Variants in PPP2R1A observed in about 807,000 individuals in gnomAD.
PPP2R1A encodes protein phosphatase 2 scaffold subunit Aalpha.
In PPP2R1A, 15 loss-of-function variants were observed where a neutral mutation model predicts 67.1. That is an observed-to-expected ratio of 0.22 (90% CI 0.15 to 0.34). PPP2R1A has a LOEUF of 0.34. Ranked by LOEUF, PPP2R1A falls within the 10% of genes least tolerant of loss-of-function variation. The pLI, the probability that PPP2R1A is intolerant of heterozygous loss-of-function variation, is 1.00. For missense variants in PPP2R1A, 369 were observed against 775.0 expected (o/e 0.48, Z 6.22); for synonymous variants, 337 against 325.0 (o/e 1.04, Z -0.40).
chr19:52,215,164 T>C (rs1030773721), intron 6 of PPP2R1A, among the ~76,000 whole-genome samples: 1 of 152,178 alleles, frequency 6.6e-6, no homozygotes, highest in African/African-American at 2.4e-5. Flanking sequence ...CAGGTGATCC[T>C]CCCACTTCAG....
Position 52,216,710 on chromosome 19 carries a change from G to A in PPP2R1A, c.1128+47G>A, listed in dbSNP as rs773352879. 11 of 1,613,172 alleles carry A rather than the reference G, an allele frequency of 6.8e-6. No homozygotes were observed. The highest frequency in any genetic ancestry group is 1.6e-4 in the Middle Eastern group (1 of 6,080). On this transcript the variant is annotated intron_variant, in intron 9 of 14. Coordinates refer to ENST00000322088, the MANE Select transcript of PPP2R1A (RefSeq NM_014225.6). This position sits in a 1 kb window ranked among gnomAD's most constrained non-coding sequence, Gnocchi z 4.3. ...CTCTGGGTTTGTGGAGGGGACAGGCGGGTCTTCCTAGATTGCTAGGGTTTA... is the reference window on the plus strand; with the variant it reads ...CTCTGGGTTTGTGGAGGGGACAGGCAGGTCTTCCTAGATTGCTAGGGTTTA...
At chr19:52,194,664 C>G (rs2089482561) in intron 1 of PPP2R1A, among the ~76,000 whole-genome samples, 1 of 152,030 alleles carries the variant, frequency 6.6e-6, no homozygotes, top group African/African-American at 2.4e-5. Context: ...TTGAGGGTGA[C>G]TGAAGTTTGA....
intron 1 of PPP2R1A, among the ~76,000 whole-genome samples, chr19:52,191,756 T>G (rs187683432): frequency 1.3e-5 from 2 of 152,194 alleles, no homozygotes; most frequent in Non-Finnish European, 2.9e-5. Context: ...GTATGAGATA[T>G]GATGCTGGGG....
chr19:52,226,336 T>C lies in PPP2R1A; in HGVS notation c.*355T>C. The C allele has an allele frequency of 2.5e-6, 1 of 395,974 alleles. No individual in the cohort carries two copies. The highest frequency in any genetic ancestry group is 4.5e-6 in the Non-Finnish European group (1 of 220,122). 24.5% of individuals were successfully genotyped at this position (395,974 alleles called of 1,614,324 possible). On this transcript the variant is annotated 3_prime_UTR_variant, in exon 15 of 15. Transcript: ENST00000322088. ...CCTCCCGTCCTCCCCATCATTGGTT[T>C]TTTTTTGTGTGTCAACTGTGCCGTT...
At position 52,222,215 on chromosome 19, in the gene PPP2R1A, G is replaced by A. The variant is rs1423679899; in HGVS notation, c.1635G>A (p.Gln545=). The change falls in exon 13 of 15, where the codon CAG becomes CAA. Residue 545 remains glutamine (Q), a synonymous_variant. Transcript: ENST00000322088. ...NVRFNVAKSL[Q]KIGPILDNST... ...GCTTCAATGTGGCCAAGTCTCTGCA[G>A]AAGATAGGGCCCATCCTGGACAACA... 1.2e-6 allele frequency: 2 copies of A among 1,614,166 alleles called. No homozygotes were observed. Among genetic ancestry groups the A allele is most frequent in the East Asian group, 4.5e-5 (2 of 44,886 alleles).
chr19:52,191,746 G>A (rs1431319265), intron 1 of PPP2R1A, among the ~76,000 whole-genome samples: 1 of 152,204 alleles, frequency 6.6e-6, no homozygotes, highest in Non-Finnish European at 1.5e-5. Context: ...TATATGCCAT[G>A]TATGAGATAT....
chr19:52,198,931 A>G (rs547381227), intron 1 of PPP2R1A, among the ~76,000 whole-genome samples: 8 of 152,202 alleles, frequency 5.3e-5, no homozygotes, highest in Non-Finnish European at 1.2e-4. Context: ...AGCAAACAAT[A>G]AATGTTTGTT....
At position 52,227,145 on chromosome 19, in the gene PPP2R1A, G is replaced by A. The variant is rs184098419; in HGVS notation, c.*1164G>A. 6.6e-6 allele frequency: 1 copy of A among 152,320 alleles called. No individual in the cohort carries two copies. The highest frequency in any genetic ancestry group is 2.4e-5 in the African/African-American group (1 of 41,564). The allele number at this position is 152,320 out of a possible 1,614,324, so 9.4% of individuals were successfully genotyped here. On this transcript the variant is annotated 3_prime_UTR_variant, in exon 15 of 15. Coordinates refer to ENST00000322088, the MANE Select transcript of PPP2R1A (RefSeq NM_014225.6). The stretch of plus-strand genomic sequence containing the variant: ...TTTTCCTAGTGTCTCTTGAAATTAG[G>A]TGTGGTATTGTGACCAAATTCTAGC...
chr19:52,203,492 CTT>C (rs1166400507), intron 2 of PPP2R1A, among the ~76,000 whole-genome samples: 1 of 152,208 alleles, frequency 6.6e-6, no homozygotes, highest in Non-Finnish European at 1.5e-5. Context: ...CTCCACCTCT[CTT>C]AGCCTCATTT....
In PPP2R1A at chr19:52,212,975, G is replaced by A. The variant is rs371185672; in HGVS notation, c.672G>A (p.Ala224=). The A allele has an allele frequency of 5.2e-5, 83 of 1,604,004 alleles. No homozygotes were observed. The highest frequency in any genetic ancestry group is 6.6e-5 in the Non-Finnish European group (78 of 1,175,320). Residue 224 remains alanine, a synonymous_variant, in exon 6 of 15, where the codon GCG becomes GCA. Coordinates refer to ENST00000322088, the MANE Select transcript of PPP2R1A (RefSeq NM_014225.6). This position sits in a 1 kb window ranked among gnomAD's most constrained non-coding sequence, Gnocchi z 4.1. ...CCTAGGACTCGGTGCGGCTGCTGGC[G>A]GTGGAGGCGTGCGTGAACATCGCCC... ...SDEQDSVRLL[A]VEACVNIAQL... is the part of the protein sequence containing the mutation.
chr19:52,210,300 T>A (rs1399574698), intron 3 of PPP2R1A, among the ~76,000 whole-genome samples: 1 of 152,036 alleles, frequency 6.6e-6, no homozygotes, highest in African/African-American at 2.4e-5. Flanking sequence ...AGCACAGTCA[T>A]TCTAGGCCCA....
intron 9 of PPP2R1A, among the ~76,000 whole-genome samples, chr19:52,217,980 C>T (rs1349312377): frequency 1.3e-5 from 2 of 152,096 alleles, no homozygotes; most frequent in East Asian, 1.9e-4. Flanking sequence ...GCAGTGTAGG[C>T]AGACCAAACC....
chr19:52,211,654 C>T lies in PPP2R1A; in HGVS notation c.503+162C>T, dbSNP rs1298882641. 1 of 717,914 alleles carries T rather than the reference C, an allele frequency of 1.4e-6. No homozygotes were observed. Among genetic ancestry groups the T allele is most frequent in the African/African-American group, 1.8e-5 (1 of 56,000 alleles). 44.5% of individuals were successfully genotyped at this position (717,914 alleles called of 1,614,324 possible). Reference sequence around the variant, plus strand: ...ATAGGCCACATCCTCGAGAGTTGGTCTCTGGACACGGCCACGTGTCAGTTT... The same window carrying T: ...ATAGGCCACATCCTCGAGAGTTGGTTTCTGGACACGGCCACGTGTCAGTTT... On this transcript the variant is annotated intron_variant, in intron 4 of 14. Transcript: ENST00000322088. This position sits in a 1 kb window ranked among gnomAD's most constrained non-coding sequence, Gnocchi z 5.3.
intron 3 of PPP2R1A, among the ~76,000 whole-genome samples, chr19:52,210,967 C>T (rs1022900514): frequency 2.0e-5 from 3 of 152,114 alleles, no homozygotes; most frequent in African/African-American, 4.8e-5. Flanking sequence ...CAGAAAGCAA[C>T]GTGTGTAATT....
intron 3 of PPP2R1A, among the ~76,000 whole-genome samples, chr19:52,207,745 C>T (rs2089619169): frequency 6.6e-6 from 1 of 152,182 alleles, no homozygotes; most frequent in Admixed American, 6.5e-5. Context: ...GAGGCACAGG[C>T]AGATTTAAGT....
At chr19:52,199,139 T>G (rs73575025) in intron 1 of PPP2R1A, among the ~76,000 whole-genome samples, 1,776 of 152,142 alleles carry the variant, frequency 0.012, 41 homozygotes, top group African/African-American at 0.041. Context: ...AGGTCAATAC[T>G]CCCCACAGTA....
At chr19:52,206,177 G>T in intron 3 of PPP2R1A, 114 bp downstream of exon 3, 6 of 846,744 alleles carry the variant, frequency 7.1e-6, no homozygotes, top group Non-Finnish European at 1.1e-5. Flanking sequence ...CGTCAGAACA[G>T]CCGGGCCATG....
chr19:52,192,223 G>A (rs1432377536), intron 1 of PPP2R1A, among the ~76,000 whole-genome samples: 1 of 152,086 alleles, frequency 6.6e-6, no homozygotes, highest in Non-Finnish European at 1.5e-5. Flanking sequence ...CCCCTCTGAG[G>A]ATGCAGAGTT....
chr19:52,198,407 T>C (rs962536395), intron 1 of PPP2R1A, among the ~76,000 whole-genome samples: 1 of 152,152 alleles, frequency 6.6e-6, no homozygotes, highest in Non-Finnish European at 1.5e-5. Context: ...GGCCCACCTC[T>C]TGGGCATCCC....
Sources: allele counts gnomAD v4.1 joint callset (sites outside exome capture counted in the v4.1 genomes callset), GRCh38; gene constraint gnomAD v4.1.1; non-coding constraint Gnocchi (gnomAD v3.1); transcripts MANE v1.5; gene names NCBI Gene and HGNC (gene_info 2026-07-23, HGNC 2026-07-21).